The following SMOC2 variants were observed in gnomAD, a reference collection of about 807,000 sequenced individuals.
SMOC2 encodes the protein SPARC-related modular calcium-binding protein 2.
A neutral mutation model predicts 61.4 loss-of-function variants in SMOC2; 39 were observed. The observed-to-expected ratio is 0.64, with a 90% CI of 0.49 to 0.83. The LOEUF is 0.83. SMOC2 is among the 40% of genes least tolerant of loss of function. The probability of loss-of-function intolerance (pLI) is 0.00; values close to 1 mark genes in which losing one functional copy is unlikely to be tolerated. For synonymous variants in SMOC2, 247 were observed against 239.9 expected (o/e 1.03, Z -0.27); for missense variants, 556 against 592.9 (o/e 0.94, Z 0.65).
chr6:168,608,193 C>A lies in SMOC2; in HGVS notation c.861C>A (p.Ala287=). 6.2e-7 allele frequency: 1 copy of A among 1,613,858 alleles called. No individual in the cohort carries two copies. Among genetic ancestry groups the A allele is most frequent in the Non-Finnish European group, 8.5e-7 (1 of 1,179,956 alleles). The part of the protein sequence containing the change: ...EQPKCDNTAR[A]HPAKARDLYK... ...CGAAATGTGACAACACGGCCAGGGC[C>A]CACCCAGCCAAAGCCCGGGACCTGT... Residue 287 remains alanine, a synonymous_variant, in exon 9 of 13, where the codon GCC becomes GCA. Transcript: ENST00000356284.
Position 168,453,320 on chromosome 6 carries a change from G to A in SMOC2, c.84+11866G>A, listed in dbSNP as rs998795718. On this transcript the variant is annotated intron_variant, in intron 1 of 12. Transcript: ENST00000356284. This position sits in a 1 kb window ranked among gnomAD's most constrained non-coding sequence, Gnocchi z 4.4. ...GTCACCCTGCGGCCCTGTCATTTCG[G>A]GCTGTGCCTTTGTCTCCGGGTCTCC... is the stretch of plus-strand genomic sequence containing the variant. Among the ~76,000 whole-genome samples, 15 of 152,156 alleles carry A rather than the reference G, an allele frequency of 9.9e-5. No homozygotes were observed. The highest frequency in any genetic ancestry group is 3.6e-4 in the African/African-American group (15 of 41,436).
Position 168,598,956 on chromosome 6 carries a change from G to T in SMOC2, c.776G>T (p.Trp259Leu). 1 of 1,613,152 alleles carries T rather than the reference G, an allele frequency of 6.2e-7. No individual in the cohort carries two copies. The highest frequency in any genetic ancestry group is 1.1e-5 in the South Asian group (1 of 91,060). ...VQCHPSTGYC[W>L]CVLVDTGRPI... ...TGCCACCCCTCCACGGGGTACTGCT[G>T]GTGCGTCCTGGTGGACACGGGGCGC... The change falls in exon 8 of 13, where the codon TGG becomes TTG. Residue 259 changes from tryptophan (W) to leucine (L), a missense_variant. Physicochemically the swap from Trp to Leu is moderately conservative, Grantham distance 61. Transcript: ENST00000356284.
At chr6:168,566,364 G>C (rs118082134) in intron 7 of SMOC2, among the ~76,000 whole-genome samples, 2 of 151,660 alleles carry the variant, frequency 1.3e-5, no homozygotes, top group African/African-American at 4.9e-5. Flanking sequence ...CTTGCAATAG[G>C]TTGTCTTTAA....
rs113040827 is a variant in SMOC2, at chr6:168,535,088, T to A, written c.463+7361T>A. Among the ~76,000 whole-genome samples, 2,371 of 152,100 alleles carry A rather than the reference T, an allele frequency of 0.016. 56 individuals carry two copies. The highest frequency in any genetic ancestry group is 0.05 in the African/African-American group (2,095 of 41,516). On this transcript the variant is annotated intron_variant, in intron 4 of 12. Coordinates refer to ENST00000356284, the MANE Select transcript of SMOC2 (RefSeq NM_001166412.2). This position sits in a 1 kb window ranked among gnomAD's most constrained non-coding sequence, Gnocchi z 4.6. Reference sequence around the variant, plus strand: ...GGGGTTCAAGCGATTCTCCTGCCTCTGCCTCCGGAGTAGCTGGGACTACAG... The same window carrying A: ...GGGGTTCAAGCGATTCTCCTGCCTCAGCCTCCGGAGTAGCTGGGACTACAG...
intron 7 of SMOC2, among the ~76,000 whole-genome samples, chr6:168,589,344 A>G (rs1177697557): frequency 6.6e-6 from 1 of 152,272 alleles, no homozygotes; most frequent in African/African-American, 2.4e-5. Context: ...CCCAGAGCAG[A>G]CTGGATGTGG....
Position 168,509,973 on chromosome 6 carries a change from C to T in SMOC2, c.143C>T (p.Pro48Leu), listed in dbSNP as rs201122523. ...TGTAGCTTGGACTGTGCGGGTTCGCCCCAGAAACCTCTCTGCGCATCTGAC... is the reference window on the plus strand; with the variant it reads ...TGTAGCTTGGACTGTGCGGGTTCGCTCCAGAAACCTCTCTGCGCATCTGAC... ...KDCSLDCAGS[P>L]QKPLCASDGR... The change falls in exon 2 of 13, where the codon CCC (proline) becomes CTC (leucine). Residue 48 changes from proline (P) to leucine (L), a missense_variant. By Grantham distance (98) the Pro-to-Leu change is moderately conservative (BLOSUM62 -3). Coordinates refer to ENST00000356284, the MANE Select transcript of SMOC2 (RefSeq NM_001166412.2). 1.5e-5 allele frequency: 25 copies of T among 1,614,120 alleles called. No individual in the cohort carries two copies. The highest frequency in any genetic ancestry group is 8.0e-5 in the African/African-American group (6 of 75,010).
intron 4 of SMOC2, among the ~76,000 whole-genome samples, chr6:168,530,259 A>G (rs1783557612): frequency 6.6e-6 from 1 of 152,182 alleles, no homozygotes; most frequent in South Asian, 2.1e-4. Flanking sequence ...TGATTCCTGG[A>G]GAGCAGAGAA....
chr6:168,619,259 C>T (rs999137791), intron 9 of SMOC2, among the ~76,000 whole-genome samples: 4 of 152,148 alleles, frequency 2.6e-5, no homozygotes, highest in African/African-American at 9.7e-5. Context: ...CAGCTCTGGC[C>T]AGTTTAGCCT....
At chr6:168,532,191 G>A (rs992592050) in intron 4 of SMOC2, among the ~76,000 whole-genome samples, 1 of 151,852 alleles carries the variant, frequency 6.6e-6, no homozygotes, top group Non-Finnish European at 1.5e-5. Flanking sequence ...CACTCCTCAG[G>A]GCCCTGCTGA....
At chr6:168,615,113 G>C (rs1240939119) in intron 9 of SMOC2, among the ~76,000 whole-genome samples, 2 of 38,266 alleles carry the variant, frequency 5.2e-5, no homozygotes, top group African/African-American at 1.1e-4. Flanking sequence ...AGCCAGCACA[G>C]GGGGCCTCTT....
intron 2 of SMOC2, among the ~76,000 whole-genome samples, chr6:168,516,548 C>G (rs1783138715): frequency 6.6e-6 from 1 of 152,194 alleles, no homozygotes; most frequent in African/African-American, 2.4e-5. Context: ...ACCTGTCGCT[C>G]TGTGCATCCA....
At chr6:168,559,845 C>T (rs1343398329) in intron 7 of SMOC2, among the ~76,000 whole-genome samples, 2 of 152,242 alleles carry the variant, frequency 1.3e-5, no homozygotes, top group South Asian at 2.1e-4. Context: ...AAAGTTCATA[C>T]AATTAATGAA....
chr6:168,584,088 G>A (rs951385218), intron 7 of SMOC2, among the ~76,000 whole-genome samples: 8 of 152,216 alleles, frequency 5.3e-5, no homozygotes, highest in African/African-American at 1.9e-4. Context: ...GAGCCAGGCC[G>A]GCCAATAGTA....
At chr6:168,516,609 C>T (rs2115059683) in intron 2 of SMOC2, among the ~76,000 whole-genome samples, 1 of 150,860 alleles carries the variant, frequency 6.6e-6, no homozygotes, top group East Asian at 1.9e-4. Context: ...GCGGCTGGGA[C>T]TCAGCCAGCA....
At chr6:168,605,529 T>C (rs1785664741) in intron 8 of SMOC2, among the ~76,000 whole-genome samples, 1 of 152,172 alleles carries the variant, frequency 6.6e-6, no homozygotes, top group African/African-American at 2.4e-5. Context: ...CATGGGCATT[T>C]CACACTACTC....
At chr6:168,456,564 G>A (rs558581481) in intron 1 of SMOC2, among the ~76,000 whole-genome samples, 7 of 152,326 alleles carry the variant, frequency 4.6e-5, no homozygotes, top group South Asian at 2.1e-4. Context: ...ACTCTCCCAC[G>A]TGGAGCTTTC....
intron 1 of SMOC2, among the ~76,000 whole-genome samples, chr6:168,465,242 C>T (rs1214334604): frequency 1.1e-4 from 16 of 152,216 alleles, no homozygotes; most frequent in Non-Finnish European, 2.9e-5. Context: ...AATAGGCCTC[C>T]ATCCTGCCGC....
rs531889318 is a variant in SMOC2 at position 168,649,637 on chromosome 6, T to C, written c.908-1044T>C. ...GATATTTACACACAAATAGACCCAG[T>C]TGGAATCGGCAAATTTTGCTCCCTG... is the stretch of plus-strand genomic sequence containing the variant. On this transcript the variant is annotated intron_variant, in intron 9 of 12. Coordinates refer to ENST00000356284, the MANE Select transcript of SMOC2 (RefSeq NM_001166412.2). Among the ~76,000 whole-genome samples the C allele has an allele frequency of 3.9e-5, 6 of 152,350 alleles. No individual in the cohort carries two copies. The South Asian group carries it at 1.0e-3, about 26-fold the overall frequency.
chr6:168,570,078 C>G (rs1260508375), intron 7 of SMOC2, among the ~76,000 whole-genome samples: 2 of 150,936 alleles, frequency 1.3e-5, no homozygotes, highest in African/African-American at 2.4e-5. Context: ...GCGGATGTCC[C>G]GTCGTCCTGG....
Sources: allele counts gnomAD v4.1 joint callset (sites outside exome capture counted in the v4.1 genomes callset), GRCh38; gene constraint gnomAD v4.1.1; non-coding constraint Gnocchi (gnomAD v3.1); transcripts MANE v1.5; gene names NCBI Gene and HGNC (gene_info 2026-07-23, HGNC 2026-07-21).